The following CELF5 variants were observed in gnomAD, a reference collection of about 807,000 sequenced individuals.
CELF5 encodes the protein CUGBP Elav-like family member 5, also known as CUG-BP and ETR-3 like factor 5.
A neutral mutation model predicts 54.9 loss-of-function variants in CELF5; 6 were observed. The ratio of observed to expected loss-of-function variants is 0.11; its 90% CI spans 0.06 to 0.22. The LOEUF (loss-of-function observed/expected upper bound fraction) is 0.22, where lower values mean the gene tolerates loss of function less well. CELF5 is among the 10% of genes least tolerant of loss of function. The probability of loss-of-function intolerance (pLI) is 1.00; values close to 1 mark genes in which losing one functional copy is unlikely to be tolerated. For synonymous variants in CELF5, 271 were observed against 290.9 expected (o/e 0.93, Z 0.70); for missense variants, 401 against 678.6 (o/e 0.59, Z 4.54).
At chr19:3,241,845 G>A (rs570265739) in intron 1 of CELF5, among the ~76,000 whole-genome samples, 3 of 152,090 alleles carry the variant, frequency 2.0e-5, no homozygotes, top group South Asian at 4.1e-4. Context: ...GCGCGACCTC[G>A]GCTCACTGCA....
At chr19:3,238,423 A>G (rs2079446661) in intron 1 of CELF5, among the ~76,000 whole-genome samples, 1 of 152,114 alleles carries the variant, frequency 6.6e-6, no homozygotes, top group South Asian at 2.1e-4. Flanking sequence ...TTTGTAACAA[A>G]TGACCACAAA....
At position 3,275,317 on chromosome 19, in the gene CELF5, C is replaced by T. The variant is rs312926; in HGVS notation, c.395-539C>T. Among the ~76,000 whole-genome samples, 73,952 of 152,080 alleles carry T rather than the reference C, an allele frequency of 0.49. 19,084 individuals are homozygous for T. The highest frequency in any genetic ancestry group is 0.67 in the African/African-American group (27,981 of 41,498). ...ACTGAGCACGTGAACCCTCACTCCA[C>T]TCCACAGATGGTGACTGCCTGGCCC... On this transcript the variant is annotated intron_variant, in intron 3 of 12. Coordinates refer to ENST00000292672, the MANE Select transcript of CELF5 (RefSeq NM_021938.4). This position sits in a 1 kb window ranked among gnomAD's most constrained non-coding sequence, Gnocchi z 6.7.
intron 10 of CELF5, 118 bp from the exon 11 acceptor site, chr19:3,290,113 G>A: frequency 1.4e-6 from 1 of 718,352 alleles, no homozygotes; most frequent in Non-Finnish European, 2.4e-6. Context: ...GGTGTCTGAG[G>A]CACCCCTCTC....
chr19:3,239,842 G>A (rs575014543), intron 1 of CELF5, among the ~76,000 whole-genome samples: 340 of 151,624 alleles, frequency 2.2e-3, no homozygotes, highest in Admixed American at 3.4e-3. Context: ...TCCCTTCTTC[G>A]TGCTGGCCCC....
At chr19:3,256,064 C>CAAAAAAAAAAAAAAAAA (rs1555720976) in intron 2 of CELF5, among the ~76,000 whole-genome samples, 41 of 139,574 alleles carry the variant, frequency 2.9e-4, no homozygotes, top group African/African-American at 1.0e-3. Context: ...GACCCTGTCT[C>CAAAAAAAAAAAAAAAAA]AAAAAAAAAG....
intron 2 of CELF5, among the ~76,000 whole-genome samples, chr19:3,271,135 C>A (rs969348871): frequency 7.2e-5 from 11 of 151,726 alleles, no homozygotes; most frequent in Admixed American, 3.9e-4. Flanking sequence ...GCAACCCCAT[C>A]CTCATCTGCC....
At chr19:3,230,970 C>T (rs1917226663) in intron 1 of CELF5, among the ~76,000 whole-genome samples, 1 of 152,204 alleles carries the variant, frequency 6.6e-6, no homozygotes, top group Admixed American at 6.5e-5. Flanking sequence ...GGGCTTCACG[C>T]CTCCCAGCCT....
intron 2 of CELF5, among the ~76,000 whole-genome samples, chr19:3,259,450 G>A (rs959455534): frequency 6.6e-6 from 1 of 151,690 alleles, no homozygotes; most frequent in Non-Finnish European, 1.5e-5. Context: ...GTGCCCGGGG[G>A]AGAGATCCTG....
intron 8 of CELF5, chr19:3,284,698 C>A: frequency 1.7e-6 from 1 of 586,812 alleles, no homozygotes; most frequent in South Asian, 2.0e-5. Flanking sequence ...GATTCCAGTT[C>A]AGCTTCTGCC....
At position 3,281,101 on chromosome 19, in the gene CELF5, C is replaced by A; in HGVS notation, c.604-98C>A. The A allele has an allele frequency of 7.1e-7, 1 of 1,413,616 alleles. No individual in the cohort carries two copies. The highest frequency in any genetic ancestry group is 9.7e-7 in the Non-Finnish European group (1 of 1,030,404). The allele number at this position is 1,413,616 out of a possible 1,614,324, so 87.6% of individuals were successfully genotyped here. A position where few individuals can be genotyped will look rare whatever the true frequency, so the allele number is the denominator to read the frequency against. ...GGCTGACAGCCACTGGCATTACACC[C>A]CTCACCCAGGAGGCCTGAGCTAACA... On this transcript the variant is annotated intron_variant, in intron 5 of 12. Coordinates refer to ENST00000292672, the MANE Select transcript of CELF5 (RefSeq NM_021938.4). This position sits in a 1 kb window ranked among gnomAD's most constrained non-coding sequence, Gnocchi z 6.5.
chr19:3,271,241 C>CA (rs973259258), intron 2 of CELF5, among the ~76,000 whole-genome samples: 6 of 151,630 alleles, frequency 4.0e-5, no homozygotes, highest in African/African-American at 1.5e-4. Context: ...GGTGCCCCCC[C>CA]ATCTCTCCCC....
At chr19:3,235,681 T>TGGATGGATGG (rs1917543677) in intron 1 of CELF5, among the ~76,000 whole-genome samples, 31 of 24,022 alleles carry the variant, frequency 1.3e-3, no homozygotes, top group African/African-American at 1.9e-3. Context: ...TGGATGGATG[T>TGGATGGATGG]GTGGATGGGT....
intron 1 of CELF5, among the ~76,000 whole-genome samples, chr19:3,248,284 G>T (rs2079594681): frequency 6.6e-6 from 1 of 152,072 alleles, no homozygotes; most frequent in South Asian, 2.1e-4. Flanking sequence ...GCCTCCTAAA[G>T]TGCTGGGATG....
chr19:3,277,077 C>G (rs2080068203), intron 4 of CELF5, among the ~76,000 whole-genome samples: 1 of 152,240 alleles, frequency 6.6e-6, no homozygotes, highest in African/African-American at 2.4e-5. Flanking sequence ...CTGGCGGTCT[C>G]TGTCCACAGA....
rs757514181 is a variant in CELF5 at position 3,281,392 on chromosome 19, A to T, written c.750+47A>T. ...TCGGGGCTCCGGCTCCGTCTCTCTC[A>T]GTCTCTGTCTACTCTCTGTCGGGCT... On this transcript the variant is annotated intron_variant, in intron 6 of 12. Coordinates refer to ENST00000292672, the MANE Select transcript of CELF5 (RefSeq NM_021938.4). The surrounding 1 kb of genome is among the most constrained non-coding windows in gnomAD (Gnocchi z 6.5). The T allele has an allele frequency of 1.3e-6, 2 of 1,568,936 alleles. No homozygotes were observed. The highest frequency in any genetic ancestry group is 1.7e-6 in the Non-Finnish European group (2 of 1,155,282).
In CELF5 at chr19:3,293,448, C is replaced by A. The variant is rs766629258; in HGVS notation, c.*2C>A. ...AAAGACCCGGGACACCCCTACTGAC[C>A]GCGCCCACAGCCGCCCTGAGGCTGT... On this transcript the variant is annotated 3_prime_UTR_variant, in exon 12 of 13. Transcript: ENST00000292672. 2 of 1,613,912 alleles carry A rather than the reference C, an allele frequency of 1.2e-6. No individual in the cohort carries two copies. Among genetic ancestry groups the A allele is most frequent in the Non-Finnish European group, 1.7e-6 (2 of 1,179,868 alleles).
chr19:3,241,090 T>C (rs1033545085), intron 1 of CELF5, among the ~76,000 whole-genome samples: 10 of 143,188 alleles, frequency 7.0e-5, no homozygotes, highest in African/African-American at 2.1e-4. Context: ...TGAGGCGGAG[T>C]CTTGCTCTGT....
At chr19:3,250,874 T>G in intron 1 of CELF5, 111 bp from the exon 2 acceptor site, 1 of 551,394 alleles carries the variant, frequency 1.8e-6, no homozygotes. Context: ...GATCTATGCA[T>G]CTGTGGATGG....
rs1287664701 is a variant in CELF5 at position 3,276,360 on chromosome 19, G to A, written c.523+376G>A. Among the ~76,000 whole-genome samples, 5 of 151,442 alleles carry A rather than the reference G, an allele frequency of 3.3e-5. No homozygotes were observed. In the East Asian group the frequency reaches 7.8e-4, roughly 24 times the overall value. On this transcript the variant is annotated intron_variant, in intron 4 of 12. Transcript: ENST00000292672. ...GGCTCTGAGGATGTAGCCCTGGAGA[G>A]GCCCGAGGCTTCTCCAGAGCTGAAG...
Sources: gnomAD v4.1 joint callset for allele counts (sites outside exome capture counted in the v4.1 genomes callset) on GRCh38, gnomAD v4.1.1 for gene constraint, Gnocchi (gnomAD v3.1) non-coding constraint, MANE v1.5 for transcripts, NCBI Gene and HGNC (gene_info 2026-07-23, HGNC 2026-07-21) for gene names.